Variants in CCDC91 observed in about 807,000 individuals in gnomAD.
CCDC91 encodes the protein coiled-coil domain containing 91.
A neutral mutation model predicts 63.2 loss-of-function variants in CCDC91; 48 were observed. The ratio of observed to expected loss-of-function variants is 0.76; its 90% CI spans 0.60 to 0.97. CCDC91 has a LOEUF of 0.97. CCDC91 is among the 50% of genes least tolerant of loss of function. The pLI is 0.00. For missense variants in CCDC91, 500 were observed against 494.6 expected (o/e 1.01, Z -0.10); for synonymous variants, 167 against 165.8 (o/e 1.01, Z -0.06).
chr12:28,295,340 A>G (rs1011751850), intron 3 of CCDC91, among the ~76,000 whole-genome samples: 3 of 152,046 alleles, frequency 2.0e-5, no homozygotes, highest in African/African-American at 7.2e-5. Flanking sequence ...TCATGTTTTT[A>G]TATTTAAAAT....
chr12:28,433,355 G>T (rs181974734), intron 8 of CCDC91, among the ~76,000 whole-genome samples: 254 of 151,826 alleles, frequency 1.7e-3, no homozygotes, highest in African/African-American at 5.6e-3. Context: ...AGTTTTTTGT[G>T]TTTTATGTTT....
At chr12:28,530,962 A>G (rs1941684280) in intron 12 of CCDC91, among the ~76,000 whole-genome samples, 1 of 152,114 alleles carries the variant, frequency 6.6e-6, no homozygotes, top group Non-Finnish European at 1.5e-5. Context: ...CCCTTCCAGC[A>G]TGGGATATCA....
intron 1 of CCDC91, among the ~76,000 whole-genome samples, chr12:28,195,010 C>G (rs1017182320): frequency 9.2e-5 from 14 of 152,194 alleles, no homozygotes; most frequent in African/African-American, 2.9e-4. Context: ...AAAGCTTCCA[C>G]AGCATGGAAG....
chr12:28,480,009 T>G (rs1442260811), intron 11 of CCDC91, among the ~76,000 whole-genome samples: 1 of 152,040 alleles, frequency 6.6e-6, no homozygotes, highest in African/African-American at 2.4e-5. Flanking sequence ...ACATCTTGGG[T>G]TGCTGACATC....
intron 12 of CCDC91, among the ~76,000 whole-genome samples, chr12:28,501,919 C>A (rs1937937327): frequency 6.6e-6 from 1 of 151,750 alleles, no homozygotes; most frequent in African/African-American, 2.4e-5. Context: ...TCAACTTCTT[C>A]CTGGTTTAGT....
At chr12:28,212,111 A>G (rs1030788804) in intron 1 of CCDC91, among the ~76,000 whole-genome samples, 1 of 152,232 alleles carries the variant, frequency 6.6e-6, no homozygotes, top group African/African-American at 2.4e-5. Context: ...CTGTGAGATC[A>G]GTGGACACAA....
intron 11 of CCDC91, among the ~76,000 whole-genome samples, chr12:28,471,973 A>ACTCCTGCC (rs1258083139): frequency 6.6e-6 from 1 of 151,742 alleles, no homozygotes; most frequent in East Asian, 1.9e-4. Flanking sequence ...CTGGTCTCGA[A>ACTCCTGCC]CTCCTGCCCT....
intron 1 of CCDC91, among the ~76,000 whole-genome samples, chr12:28,194,275 G>A (rs1370326112): frequency 1.3e-5 from 2 of 152,154 alleles, no homozygotes; most frequent in Non-Finnish European, 2.9e-5. Flanking sequence ...CTGTGTGTGT[G>A]TGTATGGATG....
chr12:28,408,144 C>T (rs1433846120), intron 8 of CCDC91, among the ~76,000 whole-genome samples: 1 of 151,934 alleles, frequency 6.6e-6, no homozygotes, highest in Non-Finnish European at 1.5e-5. Context: ...TGTCCCCCAA[C>T]CCCCAGTAGG....
chr12:28,521,648 G>C (rs1007667411), intron 12 of CCDC91, among the ~76,000 whole-genome samples: 7 of 152,138 alleles, frequency 4.6e-5, no homozygotes, highest in Non-Finnish European at 8.8e-5. Flanking sequence ...CCTGTCTTGT[G>C]CCAGTTTTCA....
intron 6 of CCDC91, among the ~76,000 whole-genome samples, chr12:28,310,162 G>A (rs1939170755): frequency 6.6e-6 from 1 of 151,982 alleles, no homozygotes; most frequent in African/African-American, 2.4e-5. Flanking sequence ...CTGATTAAAA[G>A]GCATAGTACT....
intron 6 of CCDC91, among the ~76,000 whole-genome samples, chr12:28,318,328 GCTTGGGCAA>G (rs1367025975): frequency 2.6e-5 from 4 of 151,220 alleles, no homozygotes; most frequent in Non-Finnish European, 5.9e-5. Context: ...ATCGAGACCA[GCTTGGGCAA>G]CTTAGTGAGA....
At chr12:28,516,179 C>A (rs1389727461) in intron 12 of CCDC91, among the ~76,000 whole-genome samples, 1 of 151,884 alleles carries the variant, frequency 6.6e-6, no homozygotes, top group African/African-American at 2.4e-5. Flanking sequence ...AAGAGTGAGG[C>A]AGACTTTACC....
intron 12 of CCDC91, among the ~76,000 whole-genome samples, chr12:28,496,645 A>G (rs944619758): frequency 4.6e-5 from 7 of 151,586 alleles, no homozygotes; most frequent in East Asian, 3.9e-4. Flanking sequence ...AAGTTAAACT[A>G]GGTGGGTTTC....
chr12:28,430,758 G>A (rs1592652680), intron 8 of CCDC91, among the ~76,000 whole-genome samples: 1 of 152,018 alleles, frequency 6.6e-6, no homozygotes, highest in Non-Finnish European at 1.5e-5. Flanking sequence ...CATACTCACT[G>A]TTACCCAGTG....
intron 8 of CCDC91, among the ~76,000 whole-genome samples, chr12:28,424,216 T>A (rs933130749): frequency 2.0e-5 from 3 of 152,124 alleles, no homozygotes; most frequent in Admixed American, 2.0e-4. Flanking sequence ...AGGAGTGAGT[T>A]ACTGTGCCTG....
At chr12:28,260,199 T>C (rs749224482) in intron 3 of CCDC91, among the ~76,000 whole-genome samples, 18 of 152,000 alleles carry the variant, frequency 1.2e-4, no homozygotes, top group Admixed American at 3.9e-4. Context: ...ATTTGTCATT[T>C]GGGAAGAATG....
intron 11 of CCDC91, among the ~76,000 whole-genome samples, chr12:28,472,429 A>G (rs1950867708): frequency 6.6e-6 from 1 of 152,188 alleles, no homozygotes. Context: ...TGCTTATATA[A>G]TGAGAAAAAA....
chr12:28,202,124 C>G (rs994248790), intron 1 of CCDC91, among the ~76,000 whole-genome samples: 3 of 140,282 alleles, frequency 2.1e-5, no homozygotes, highest in African/African-American at 7.7e-5. Flanking sequence ...ATCTCTATCT[C>G]TTCATTAATA....
Sources: gnomAD v4.1 joint callset for allele counts (sites outside exome capture counted in the v4.1 genomes callset) on GRCh38, gnomAD v4.1.1 for gene constraint, MANE v1.5 for transcripts, NCBI Gene and HGNC (gene_info 2026-07-23, HGNC 2026-07-21) for gene names.